SLC25A21: variants seen among roughly 807,000 people sequenced by gnomAD.
The protein encoded by SLC25A21 is solute carrier family 25 member 21.
A neutral mutation model predicts 43.8 loss-of-function variants in SLC25A21; 47 were observed. The observed-to-expected ratio is 1.07, with a 90% CI of 0.85 to 1.37. The LOEUF is 1.37. Among genes scored for constraint, SLC25A21 ranks in the 40% most tolerant of loss-of-function variants. SLC25A21 has a pLI of 0.00. For missense variants in SLC25A21, 352 were observed against 350.2 expected (o/e 1.00, Z -0.04); for synonymous variants, 131 against 121.3 (o/e 1.08, Z -0.52).
At chr14:36,853,409 T>C (rs981296721) in intron 2 of SLC25A21, among the ~76,000 whole-genome samples, 5 of 152,230 alleles carry the variant, frequency 3.3e-5, no homozygotes, top group Admixed American at 1.3e-4. Flanking sequence ...CATAGGAGTA[T>C]GGTTGCTAAG....
chr14:37,072,881 A>C (rs912059771), intron 1 of SLC25A21, among the ~76,000 whole-genome samples: 1 of 152,266 alleles, frequency 6.6e-6, no homozygotes, highest in South Asian at 2.1e-4. Flanking sequence ...ACATGTGTAG[A>C]TAACATAGTC....
intron 1 of SLC25A21, among the ~76,000 whole-genome samples, chr14:36,908,171 C>T (rs1196388705): frequency 6.6e-6 from 1 of 152,046 alleles, no homozygotes; most frequent in Non-Finnish European, 1.5e-5. Context: ...TACATTTGTC[C>T]AAATCCATAG....
At chr14:37,109,631 G>A (rs1382826465) in intron 1 of SLC25A21, among the ~76,000 whole-genome samples, 1 of 152,254 alleles carries the variant, frequency 6.6e-6, no homozygotes, top group East Asian at 1.9e-4. Flanking sequence ...GTGCAGTCAG[G>A]AGACCTATGT....
At chr14:36,929,334 T>A (rs907754091) in intron 1 of SLC25A21, among the ~76,000 whole-genome samples, 2 of 152,202 alleles carry the variant, frequency 1.3e-5, no homozygotes, top group Admixed American at 6.5e-5. Context: ...AAAACTTGAT[T>A]CCCACCTTAA....
At chr14:36,908,986 G>T (rs1358379425) in intron 1 of SLC25A21, among the ~76,000 whole-genome samples, 1 of 152,194 alleles carries the variant, frequency 6.6e-6, no homozygotes, top group Non-Finnish European at 1.5e-5. Flanking sequence ...TGCCAAGGAA[G>T]AGGCTGTTGA....
chr14:37,067,448 T>C (rs2138820379), intron 1 of SLC25A21, among the ~76,000 whole-genome samples: 1 of 152,300 alleles, frequency 6.6e-6, no homozygotes, highest in East Asian at 1.9e-4. Context: ...TTGAATTCTG[T>C]ACCCAGAAAA....
chr14:36,874,615 C>T (rs1890466785), intron 2 of SLC25A21, among the ~76,000 whole-genome samples: 1 of 152,166 alleles, frequency 6.6e-6, no homozygotes, highest in South Asian at 2.1e-4. Flanking sequence ...ATCTGTTAGG[C>T]AATGCCAAAT....
intron 1 of SLC25A21, among the ~76,000 whole-genome samples, chr14:37,043,946 T>G (rs35798215): frequency 3.2e-4 from 47 of 147,086 alleles, no homozygotes; most frequent in Non-Finnish European, 5.6e-4. Flanking sequence ...TTTTGTTTTT[T>G]TTTTTTTTTT....
At chr14:37,005,114 A>C (rs1190490596) in intron 1 of SLC25A21, among the ~76,000 whole-genome samples, 3 of 151,942 alleles carry the variant, frequency 2.0e-5, no homozygotes, top group African/African-American at 7.3e-5. Context: ...GATTTCCAGA[A>C]AGTTACCTTC....
chr14:36,793,704 C>T (rs1321837009), intron 3 of SLC25A21, among the ~76,000 whole-genome samples: 1 of 152,042 alleles, frequency 6.6e-6, no homozygotes, highest in Admixed American at 6.6e-5. Flanking sequence ...CCTCAAAAAT[C>T]CACGTGCAGT....
intron 1 of SLC25A21, among the ~76,000 whole-genome samples, chr14:36,995,979 GA>G (rs1960363635): frequency 6.6e-6 from 1 of 152,126 alleles, no homozygotes; most frequent in Non-Finnish European, 1.5e-5. Context: ...ATTTTAAGAT[GA>G]AAACTGAGGT....
intron 1 of SLC25A21, among the ~76,000 whole-genome samples, chr14:37,119,024 G>A (rs1436589193): frequency 6.6e-6 from 1 of 152,102 alleles, no homozygotes; most frequent in African/African-American, 2.4e-5. Flanking sequence ...CCAAAACCAA[G>A]ATGGTGATGG....
At chr14:37,070,337 T>C (rs962855319) in intron 1 of SLC25A21, among the ~76,000 whole-genome samples, 1 of 152,218 alleles carries the variant, frequency 6.6e-6, no homozygotes, top group Admixed American at 6.5e-5. Flanking sequence ...TAAACCTATT[T>C]ATATTTTCAA....
intron 7 of SLC25A21, among the ~76,000 whole-genome samples, chr14:36,708,874 G>A (rs906804984): frequency 1.3e-5 from 2 of 149,740 alleles, no homozygotes; most frequent in Non-Finnish European, 3.0e-5. Context: ...TTGAGCCACT[G>A]TGCCAGCTCA....
At chr14:36,881,470 G>A (rs1890722545) in intron 1 of SLC25A21, among the ~76,000 whole-genome samples, 1 of 152,124 alleles carries the variant, frequency 6.6e-6, no homozygotes, top group Non-Finnish European at 1.5e-5. Context: ...AGCTAGGAGT[G>A]GAAAAACCAC....
At chr14:36,710,684 C>T (rs976831766) in intron 7 of SLC25A21, among the ~76,000 whole-genome samples, 3 of 152,226 alleles carry the variant, frequency 2.0e-5, no homozygotes, top group Admixed American at 2.0e-4. Context: ...CCTGCCTTTG[C>T]CTCTCAAAGT....
chr14:36,906,087 T>C (rs936032481), intron 1 of SLC25A21, among the ~76,000 whole-genome samples: 1 of 152,138 alleles, frequency 6.6e-6, no homozygotes, highest in African/African-American at 2.4e-5. Context: ...AAAGGTACTA[T>C]TTGGGAGGTG....
rs927495095 is a variant in SLC25A21 at position 36,970,187 on chromosome 14, C to T, written c.71-95183G>A. Among the ~76,000 whole-genome samples, 4 of 151,996 alleles carry T rather than the reference C, an allele frequency of 2.6e-5. No individual in the cohort carries two copies. In the South Asian group the frequency reaches 6.3e-4, roughly 24 times the overall value. The stretch of plus-strand genomic sequence containing the variant: ...AGCTCTCAGTCAGGATTGTGATCAC[C>T]GCCATAATAATGATTATCTGTGACC... On this transcript the variant is annotated intron_variant, in intron 1 of 9. Transcript: ENST00000331299.
At chr14:37,008,031 C>T (rs61989485) in intron 1 of SLC25A21, among the ~76,000 whole-genome samples, 82 of 152,030 alleles carry the variant, frequency 5.4e-4, no homozygotes, top group African/African-American at 6.7e-4. Flanking sequence ...ACCACTACTA[C>T]GGCTGGCTAA....
Sources: gnomAD v4.1 joint callset for allele counts (sites outside exome capture counted in the v4.1 genomes callset) on GRCh38, gnomAD v4.1.1 for gene constraint, MANE v1.5 for transcripts, NCBI Gene and HGNC (gene_info 2026-07-23, HGNC 2026-07-21) for gene names.